The following RNPC3 variants were observed in gnomAD, a reference collection of about 807,000 sequenced individuals.
RNPC3 encodes RNA binding region (RNP1, RRM) containing 3.
A neutral mutation model predicts 67.5 loss-of-function variants in RNPC3; 48 were observed. The observed-to-expected ratio is 0.71, with a 90% confidence interval of 0.56 to 0.90. The LOEUF (loss-of-function observed/expected upper bound fraction) is 0.90. Among genes scored for constraint, RNPC3 ranks in the 40% least tolerant of loss-of-function variants. The pLI is 0.00. For missense variants in RNPC3, 637 were observed against 626.1 expected (o/e 1.02, Z -0.19); for synonymous variants, 239 against 210.3 (o/e 1.14, Z -1.18).
intron 2 of RNPC3, among the ~76,000 whole-genome samples, chr1:103,532,489 A>G (rs939754847): frequency 6.6e-6 from 1 of 152,128 alleles, no homozygotes; most frequent in Non-Finnish European, 1.5e-5. Context: ...ACTTCAGGAC[A>G]GAAGTCTGTG....
Position 103,534,779 on chromosome 1 carries a change from A to T in RNPC3, c.365A>T (p.Asp122Val). Residue 122 changes from aspartate to valine, a missense_variant, in exon 4 of 15, where the codon GAT becomes GTT. Asp to Val is a radical substitution (Grantham distance 152, BLOSUM62 -3). This residue lies in a region of RNPC3 where 536 missense variants were observed against 500.3 expected (regional missense o/e 1.07). Transcript: ENST00000423855. ...TTTGATTCTGTATGTCCCAGGTCTG[A>T]TGACCCTGTCGAAGATGATAAAGAA... ...TSGSEKKKRS[D>V]DPVEDDKEKK... 6.6e-7 allele frequency: 1 copy of T among 1,524,346 alleles called. No homozygotes were observed. Among genetic ancestry groups the T allele is most frequent in the Non-Finnish European group, 8.8e-7 (1 of 1,138,150 alleles). The allele number at this position is 1,524,346 out of a possible 1,614,324, so 94.4% of individuals were successfully genotyped here.
rs1345570310 is a variant in RNPC3 at position 103,555,005 on chromosome 1, A to G, written c.*13-29A>G. ...ACTAATGACCTGTGTTATACTTCCT[A>G]TTTTTAATGGGCTTTTATGATGTTT... On this transcript the variant is annotated intron_variant, in intron 14 of 14. Coordinates refer to ENST00000423855, the MANE Select transcript of RNPC3 (RefSeq NM_017619.4). 20 of 152,162 alleles carry G rather than the reference A, an allele frequency of 1.3e-4. No homozygotes were observed. The East Asian group carries it at 3.5e-3, about 26-fold the overall frequency. The allele number at this position is 152,162 out of a possible 1,614,324, so 9.4% of individuals were successfully genotyped here.
Position 103,546,271 on chromosome 1 carries a change from A to G in RNPC3, c.1231A>G (p.Arg411Gly). The G allele has an allele frequency of 6.9e-7, 1 of 1,444,326 alleles. No homozygotes were observed. Among genetic ancestry groups the G allele is most frequent in the Non-Finnish European group, 9.1e-7 (1 of 1,101,850 alleles). The allele number at this position is 1,444,326 out of a possible 1,614,324, so 89.5% of individuals were successfully genotyped here. ...AGAAATGGAAACACTTTCAGTTTTC[A>G]GAAGTTATGAACCGGGTGAACCAAA... The part of the protein sequence containing the change: ...REEMETLSVF[R>G]SYEPGEPNCR... Residue 411 changes from arginine to glycine, a missense_variant, in exon 11 of 15, where the codon AGA (arginine) becomes GGA (glycine). Transcript: ENST00000423855.
chr1:103,546,275 G>C lies in RNPC3; in HGVS notation c.1235G>C (p.Ser412Thr). 1 of 1,458,836 alleles carries C rather than the reference G, an allele frequency of 6.9e-7. No homozygotes were observed. Among genetic ancestry groups the C allele is most frequent in the Non-Finnish European group, 9.0e-7 (1 of 1,110,180 alleles). The allele number at this position is 1,458,836 out of a possible 1,614,324, so 90.4% of individuals were successfully genotyped here. A position where few individuals can be genotyped will look rare whatever the true frequency, so the allele number is the denominator to read the frequency against. Residue 412 changes from serine to threonine, a missense_variant, in exon 11 of 15, where the codon AGT becomes ACT. Ser to Thr is a moderately conservative substitution (Grantham distance 58). Transcript: ENST00000423855. Reference sequence around the variant, plus strand: ...ATGGAAACACTTTCAGTTTTCAGAAGTTATGAACCGGGTGAACCAAACTGT... The same window carrying C: ...ATGGAAACACTTTCAGTTTTCAGAACTTATGAACCGGGTGAACCAAACTGT... ...EEMETLSVFR[S>T]YEPGEPNCRI... is the part of the protein sequence containing the mutation.
In RNPC3 at chr1:103,536,170, A is replaced by G; in HGVS notation, c.600A>G (p.Gly200=). 1 of 1,536,286 alleles carries G rather than the reference A, an allele frequency of 6.5e-7. No homozygotes were observed. Among genetic ancestry groups the G allele is most frequent in the Non-Finnish European group, 8.7e-7 (1 of 1,146,166 alleles). ...AAATGAATTTGCCCACACCTTTTGGACCAATTACTGCGCGACCTCCCATGG... is the reference window on the plus strand; with the variant it reads ...AAATGAATTTGCCCACACCTTTTGGGCCAATTACTGCGCGACCTCCCATGG... ...MNKMNLPTPF[G]PITARPPMYE... Residue 200 remains glycine, a synonymous_variant, in exon 6 of 15, where the codon GGA becomes GGG. Transcript: ENST00000423855.
intron 8 of RNPC3, among the ~76,000 whole-genome samples, chr1:103,542,569 T>G (rs1651146612): frequency 6.6e-6 from 1 of 151,958 alleles, no homozygotes; most frequent in Non-Finnish European, 1.5e-5. Flanking sequence ...CAGACCGTAG[T>G]TATCCAAGAA....
At chr1:103,548,351 T>G (rs935770390) in intron 12 of RNPC3, among the ~76,000 whole-genome samples, 7 of 152,182 alleles carry the variant, frequency 4.6e-5, no homozygotes, top group Non-Finnish European at 8.8e-5. Context: ...AGCACCCAAG[T>G]CACCTCTTGA....
At chr1:103,547,915 C>T (rs1651285304) in intron 12 of RNPC3, among the ~76,000 whole-genome samples, 1 of 152,112 alleles carries the variant, frequency 6.6e-6, no homozygotes. Flanking sequence ...GCTCCCAAAC[C>T]CCAGTTCTTG....
chr1:103,546,899 T>G, intron 11 of RNPC3, 78 bp from the exon 12 acceptor site: 1 of 714,334 alleles, frequency 1.4e-6, no homozygotes, highest in East Asian at 2.8e-5. Flanking sequence ...CTTCTACTGA[T>G]GCATTGATGT....
chr1:103,537,829 TTTTA>T (rs1265007152), intron 7 of RNPC3, among the ~76,000 whole-genome samples: 3 of 151,900 alleles, frequency 2.0e-5, no homozygotes, highest in African/African-American at 4.8e-5. Context: ...TCGACGTGCT[TTTTA>T]TTTATTATTA....
At chr1:103,538,261 C>T (rs1651042855) in intron 7 of RNPC3, among the ~76,000 whole-genome samples, 1 of 152,202 alleles carries the variant, frequency 6.6e-6, no homozygotes, top group Admixed American at 6.5e-5. Context: ...CCTCTGCCTT[C>T]TTGTTTCAGT....
At chr1:103,533,916 A>G (rs1448216068) in intron 3 of RNPC3, 59 bp downstream of exon 3, 1 of 855,614 alleles carries the variant, frequency 1.2e-6, no homozygotes, top group African/African-American at 1.7e-5. Context: ...TGTTTTTTTA[A>G]ATCAGTTATA....
At chr1:103,547,706 AGTTTTGTAAAAGCAAAAGAGAGG>A (rs1311710072) in intron 12 of RNPC3, among the ~76,000 whole-genome samples, 1 of 152,236 alleles carries the variant, frequency 6.6e-6, no homozygotes, top group Non-Finnish European at 1.5e-5. Context: ...CAAGGCTTCC[AGTTTTGTAAAAGCAAAAGAGAGG>A]GTTGTGATTT....
At chr1:103,533,675 T>C in intron 2 of RNPC3, 64 bp from the exon 3 acceptor site, 1 of 819,696 alleles carries the variant, frequency 1.2e-6, no homozygotes, top group Non-Finnish European at 1.9e-6. Flanking sequence ...GTATAAAAAT[T>C]GGTCTCTAAC....
At chr1:103,529,992 A>G (rs1002008463) in intron 2 of RNPC3, among the ~76,000 whole-genome samples, 7 of 150,886 alleles carry the variant, frequency 4.6e-5, no homozygotes, top group Admixed American at 1.3e-4. Context: ...TGCGCTCTCA[A>G]TGAGAATCTG....
intron 7 of RNPC3, among the ~76,000 whole-genome samples, chr1:103,538,624 T>G (rs1651050971): frequency 6.6e-6 from 1 of 152,214 alleles, no homozygotes; most frequent in African/African-American, 2.4e-5. Context: ...ATGCTGAATT[T>G]TCCTAGGGAC....
intron 4 of RNPC3, among the ~76,000 whole-genome samples, chr1:103,535,125 A>G (rs1409773609): frequency 1.3e-5 from 2 of 152,040 alleles, no homozygotes; most frequent in South Asian, 2.1e-4. Context: ...ATCTATTAAG[A>G]TGTTCAGAGC....
intron 2 of RNPC3, among the ~76,000 whole-genome samples, chr1:103,531,042 A>G (rs181646429): frequency 6.5e-4 from 99 of 152,278 alleles, no homozygotes; most frequent in African/African-American, 2.4e-3. Context: ...TATCATTCTT[A>G]TGCCTTTGGG....
chr1:103,530,410 G>A (rs748964916), intron 2 of RNPC3, among the ~76,000 whole-genome samples: 27 of 152,104 alleles, frequency 1.8e-4, no homozygotes, highest in Admixed American at 7.2e-4. Flanking sequence ...AAATTTCTGG[G>A]AGAAGTACCT....
Sources: gnomAD v4.1 joint callset for allele counts (sites outside exome capture counted in the v4.1 genomes callset) on GRCh38, gnomAD v4.1.1 for gene constraint, gnomAD v4.1.1 regional missense constraint, MANE v1.5 for transcripts, NCBI Gene and HGNC (gene_info 2026-07-23, HGNC 2026-07-21) for gene names.